Variants in ERC2 observed in about 807,000 individuals in gnomAD.
ERC2 encodes the protein ELKS/RAB6-interacting/CAST family member 2.
Under a neutral mutation model 114.8 loss-of-function variants are expected in ERC2, and 42 were observed. That is an observed-to-expected ratio of 0.37 (90% CI 0.29 to 0.47). The LOEUF is 0.47. Among genes scored for constraint, ERC2 ranks in the 20% least tolerant of loss-of-function variants. The pLI, the probability that ERC2 is intolerant of heterozygous loss-of-function variation, is 0.99. For missense variants in ERC2, 939 were observed against 1,150.7 expected (o/e 0.82, Z 2.66); for synonymous variants, 454 against 425.5 (o/e 1.07, Z -0.82).
At chr3:56,180,762 C>T (rs1226755731) in intron 3 of ERC2, among the ~76,000 whole-genome samples, 2 of 152,180 alleles carry the variant, frequency 1.3e-5, no homozygotes, top group Non-Finnish European at 2.9e-5. Context: ...CACTATTGAA[C>T]TGTACATTTA....
intron 17 of ERC2, among the ~76,000 whole-genome samples, chr3:55,662,671 A>T (rs2061187073): frequency 6.6e-6 from 1 of 152,168 alleles, no homozygotes; most frequent in Admixed American, 6.5e-5. Flanking sequence ...TTATAATGAG[A>T]ATTGAGTCAT....
chr3:56,173,552 C>T lies in ERC2; in HGVS notation c.1075-32G>A, dbSNP rs779869565. 4.5e-5 allele frequency: 72 copies of T among 1,602,374 alleles called. 1 individual carries two copies. Among genetic ancestry groups the T allele is most frequent in the Non-Finnish European group, 6.1e-5 (71 of 1,170,092 alleles). ...AGGAACACGATAGAAATAAGCCTGA[C>T]GGTTCATCCTTCCGTTACACCACAA... On this transcript the variant is annotated intron_variant, in intron 3 of 17. Transcript: ENST00000288221.
At chr3:56,268,918 A>G (rs6783930) in intron 3 of ERC2, among the ~76,000 whole-genome samples, 68,615 of 152,010 alleles carry the variant, frequency 0.45, 15,723 homozygotes, top group Middle Eastern at 0.49. Flanking sequence ...GCATGACTGT[A>G]TATGTATATC....
chr3:55,852,270 A>C (rs1388486547), intron 14 of ERC2, among the ~76,000 whole-genome samples: 1 of 152,202 alleles, frequency 6.6e-6, no homozygotes, highest in Non-Finnish European at 1.5e-5. Flanking sequence ...GCTTTACAGT[A>C]ATTACACCAC....
intron 3 of ERC2, among the ~76,000 whole-genome samples, chr3:56,180,197 T>A (rs1398243807): frequency 6.6e-6 from 1 of 152,172 alleles, no homozygotes; most frequent in Non-Finnish European, 1.5e-5. Flanking sequence ...TTAGTCAAGG[T>A]CATTAGTGAC....
intron 14 of ERC2, among the ~76,000 whole-genome samples, chr3:55,775,585 A>AAATAAAT (rs1559635633): frequency 2.7e-5 from 3 of 111,004 alleles, no homozygotes; most frequent in East Asian, 6.6e-4. Context: ...AATAAATAAA[A>AAATAAAT]AAGGAAAAAG....
chr3:56,110,485 T>C (rs1001821833), intron 6 of ERC2, among the ~76,000 whole-genome samples: 5 of 152,164 alleles, frequency 3.3e-5, no homozygotes, highest in African/African-American at 4.8e-5. Flanking sequence ...ACAAGTTTAA[T>C]GACAAAAAGT....
intron 3 of ERC2, among the ~76,000 whole-genome samples, chr3:56,246,161 A>C (rs1456662018): frequency 6.6e-6 from 1 of 151,158 alleles, no homozygotes. Context: ...GGGTGATTTA[A>C]TATTTCAGCT....
rs572183312 is a variant in ERC2 at position 55,611,745 on chromosome 3, TG to T, written c.*39+72048del. 1.6e-4 allele frequency among the ~76,000 whole-genome samples: 24 copies of T among 152,302 alleles called. 1 individual carries two copies. The East Asian group carries it at 4.4e-3, about 28-fold the overall frequency. ...GACTGCCTAGGGAGCAACCATGTCTTGAAAGGAGAAAGAGCAAGAATAAAGG... is the reference window on the plus strand; with the variant it reads ...GACTGCCTAGGGAGCAACCATGTCTTAAAGGAGAAAGAGCAAGAATAAAGG... On this transcript the variant is annotated intron_variant, in intron 17 of 17. Coordinates refer to ENST00000288221, the MANE Select transcript of ERC2 (RefSeq NM_015576.3).
intron 1 of ERC2, among the ~76,000 whole-genome samples, chr3:56,458,974 A>G (rs545709575): frequency 2.8e-4 from 42 of 152,220 alleles, no homozygotes; most frequent in Non-Finnish European, 4.4e-4. Flanking sequence ...AGCCAGGCAC[A>G]AGAAAGACAT....
At chr3:55,608,379 C>T (rs1363646098) in intron 17 of ERC2, among the ~76,000 whole-genome samples, 2 of 152,144 alleles carry the variant, frequency 1.3e-5, no homozygotes, top group Non-Finnish European at 2.9e-5. Context: ...AAAAATATCC[C>T]CGTGCATGTG....
chr3:56,395,589 C>A lies in ERC2; in HGVS notation c.657+38762G>T, dbSNP rs78293755. On this transcript the variant is annotated intron_variant, in intron 2 of 17. Coordinates refer to ENST00000288221, the MANE Select transcript of ERC2 (RefSeq NM_015576.3). Reference sequence around the variant, plus strand: ...TTAAAAGTGTGTGGCACCTCCTCCCCATTCTCTCACTCCATTGCTCCTGCT... The same window carrying A: ...TTAAAAGTGTGTGGCACCTCCTCCCAATTCTCTCACTCCATTGCTCCTGCT... Among the ~76,000 whole-genome samples the A allele has an allele frequency of 9.0e-3, 1,372 of 152,216 alleles. 15 individuals are homozygous for A. Among genetic ancestry groups the A allele is most frequent in the South Asian group, 0.037 (181 of 4,828 alleles).
chr3:55,861,581 A>C (rs995266920), intron 14 of ERC2, among the ~76,000 whole-genome samples: 5 of 151,560 alleles, frequency 3.3e-5, no homozygotes, highest in African/African-American at 1.2e-4. Flanking sequence ...AGTTATCCTA[A>C]TTTTTTTTTC....
chr3:55,641,921 T>C (rs2060202291), intron 17 of ERC2, among the ~76,000 whole-genome samples: 1 of 152,160 alleles, frequency 6.6e-6, no homozygotes, highest in Non-Finnish European at 1.5e-5. Context: ...CAAGGAAGAT[T>C]ACAAAGACTA....
At chr3:55,744,813 A>C (rs890553921) in intron 14 of ERC2, among the ~76,000 whole-genome samples, 110 of 152,044 alleles carry the variant, frequency 7.2e-4, no homozygotes, top group African/African-American at 2.6e-3. Flanking sequence ...TTTGTTCAAA[A>C]CTCCAAGAAC....
chr3:56,119,556 T>G (rs978227526), intron 6 of ERC2, among the ~76,000 whole-genome samples: 1 of 152,248 alleles, frequency 6.6e-6, no homozygotes, highest in African/African-American at 2.4e-5. Context: ...TCTTGCATAG[T>G]GCTTAGCTTC....
At chr3:55,720,536 T>C (rs1236988288) in intron 15 of ERC2, among the ~76,000 whole-genome samples, 1 of 151,878 alleles carries the variant, frequency 6.6e-6, no homozygotes, top group African/African-American at 2.4e-5. Flanking sequence ...CTTTCCGCCT[T>C]GGCCTCCCAA....
At chr3:55,994,596 CTAAGT>C (rs922743334) in intron 10 of ERC2, among the ~76,000 whole-genome samples, 5 of 121,710 alleles carry the variant, frequency 4.1e-5, no homozygotes, top group African/African-American at 9.3e-5. Flanking sequence ...TGTTACTCAG[CTAAGT>C]TAATAGATTT....
At chr3:56,344,557 A>G (rs943223714) in intron 2 of ERC2, among the ~76,000 whole-genome samples, 5 of 152,204 alleles carry the variant, frequency 3.3e-5, no homozygotes, top group African/African-American at 9.6e-5. Context: ...TCATCCTCTA[A>G]GAAAGGGTGG....
Sources: allele counts gnomAD v4.1 joint callset (sites outside exome capture counted in the v4.1 genomes callset), GRCh38; gene constraint gnomAD v4.1.1; transcripts MANE v1.5; gene names NCBI Gene and HGNC (gene_info 2026-07-23, HGNC 2026-07-21).